Variants in CSNK2A2IP observed in about 807,000 individuals in gnomAD.
The protein encoded by CSNK2A2IP is casein kinase 2 subunit alpha' interacting protein.
chr3:88,390,087 A>C, the CSNK2A2IP span, among the ~76,000 whole-genome samples: 65 of 152,202 alleles, frequency 4.3e-4, no homozygotes, highest in South Asian at 1.0e-3. Flanking sequence ...CCCTTCATCT[A>C]TGCCATGGAC....
At chr3:88,343,416 T>C in the CSNK2A2IP span, 15 of 151,900 alleles carry the variant, frequency 9.9e-5, no homozygotes, top group African/African-American at 3.1e-4. Context: ...TCTTTGCTCC[T>C]TATCACTCCA....
the CSNK2A2IP span, among the ~76,000 whole-genome samples, chr3:88,383,369 A>G: frequency 1.3e-4 from 20 of 152,364 alleles, no homozygotes; most frequent in African/African-American, 4.8e-4. Flanking sequence ...TTCTGAGGTC[A>G]GAATTTTTAA....
chr3:88,416,095 A>T, the CSNK2A2IP span, among the ~76,000 whole-genome samples: 1 of 151,704 alleles, frequency 6.6e-6, no homozygotes, highest in East Asian at 1.9e-4. Flanking sequence ...ACATGGTGAA[A>T]TCCCGTCTCT....
chr3:88,387,280 G>GC, the CSNK2A2IP span, among the ~76,000 whole-genome samples: 3 of 151,174 alleles, frequency 2.0e-5, no homozygotes, highest in Middle Eastern at 3.4e-3. Context: ...TCCTGCCTCA[G>GC]CCCCCCGAGT....
the CSNK2A2IP span, among the ~76,000 whole-genome samples, chr3:88,372,179 T>G: frequency 6.6e-6 from 1 of 151,714 alleles, no homozygotes; most frequent in South Asian, 2.1e-4. Context: ...AAGCCAAATT[T>G]ATAACATTAT....
the CSNK2A2IP span, among the ~76,000 whole-genome samples, chr3:88,463,070 C>G: frequency 6.6e-6 from 1 of 151,996 alleles, no homozygotes; most frequent in Non-Finnish European, 1.5e-5. Context: ...AAATTTCTAG[C>G]AATGATAGAG....
chr3:88,370,586 C>CTCCTCTT, the CSNK2A2IP span, among the ~76,000 whole-genome samples: 7 of 140,794 alleles, frequency 5.0e-5, no homozygotes, highest in Non-Finnish European at 1.1e-4. Flanking sequence ...CTTTCTCTCT[C>CTCCTCTT]TCTTTCTTTC....
the CSNK2A2IP span, among the ~76,000 whole-genome samples, chr3:88,375,375 G>A: frequency 6.6e-6 from 1 of 151,792 alleles, no homozygotes; most frequent in Non-Finnish European, 1.5e-5. Context: ...TAGAAGGGAA[G>A]GGAATTTGGT....
the CSNK2A2IP span, among the ~76,000 whole-genome samples, chr3:88,348,357 A>G: frequency 6.6e-6 from 1 of 152,046 alleles, no homozygotes; most frequent in Non-Finnish European, 1.5e-5. Flanking sequence ...ACTCATCTTT[A>G]TGTAATAATG....
At chr3:88,371,360 T>C in the CSNK2A2IP span, among the ~76,000 whole-genome samples, 1 of 151,694 alleles carries the variant, frequency 6.6e-6, no homozygotes, top group Non-Finnish European at 1.5e-5. Context: ...AAATGAAAAC[T>C]AAAACTAAAA....
chr3:88,427,227 T>C, the CSNK2A2IP span, among the ~76,000 whole-genome samples: 1 of 152,204 alleles, frequency 6.6e-6, no homozygotes, highest in Non-Finnish European at 1.5e-5. Flanking sequence ...GCAAAGAGGC[T>C]GCCCTTGCCC....
At chr3:88,420,771 C>G in the CSNK2A2IP span, among the ~76,000 whole-genome samples, 3 of 151,914 alleles carry the variant, frequency 2.0e-5, no homozygotes, top group Admixed American at 2.0e-4. Context: ...TATACGACAG[C>G]TAGGAAAAAA....
chr3:88,413,344 C>A, the CSNK2A2IP span, among the ~76,000 whole-genome samples: 17 of 151,854 alleles, frequency 1.1e-4, no homozygotes, highest in Admixed American at 3.9e-4. Flanking sequence ...CTCTTATACA[C>A]TAAGAGAACT....
At chr3:88,388,637 G>A in the CSNK2A2IP span, among the ~76,000 whole-genome samples, 1 of 152,170 alleles carries the variant, frequency 6.6e-6, no homozygotes, top group African/African-American at 2.4e-5. Context: ...ATTAACAGTA[G>A]TCAGATATAA....
chr3:88,367,631 G>GAAAAC, the CSNK2A2IP span, among the ~76,000 whole-genome samples: 1 of 152,018 alleles, frequency 6.6e-6, no homozygotes, highest in Middle Eastern at 3.2e-3. Context: ...CAGTGCTTTG[G>GAAAAC]AAAACAGATC....
chr3:88,446,083 TTTC>T, the CSNK2A2IP span, among the ~76,000 whole-genome samples: 1 of 143,702 alleles, frequency 7.0e-6, no homozygotes, highest in African/African-American at 2.6e-5. Flanking sequence ...TCTTTCTTTC[TTTC>T]TTTCTTTCTT....
chr3:88,465,650 A>G, the CSNK2A2IP span: 9 of 1,231,552 alleles, frequency 7.3e-6, no homozygotes, highest in African/African-American at 1.6e-5. Context: ...GCCAAGCATC[A>G]GAACACACCT....
At chr3:88,358,217 A>C in the CSNK2A2IP span, among the ~76,000 whole-genome samples, 1 of 152,276 alleles carries the variant, frequency 6.6e-6, no homozygotes, top group African/African-American at 2.4e-5. Flanking sequence ...ATTCATTTAA[A>C]AGTTCTAATA....
chr3:88,413,778 T>C, the CSNK2A2IP span, among the ~76,000 whole-genome samples: 1 of 151,984 alleles, frequency 6.6e-6, no homozygotes, highest in Non-Finnish European at 1.5e-5. Flanking sequence ...TATGTATATG[T>C]GGCATGGGGA....
Sources: allele counts gnomAD v4.1 joint callset (sites outside exome capture counted in the v4.1 genomes callset), GRCh38; gene constraint gnomAD v4.1.1; transcripts MANE v1.5; gene names NCBI Gene and HGNC (gene_info 2026-07-23, HGNC 2026-07-21).